APBB2: variants seen among roughly 807,000 people sequenced by gnomAD.
APBB2 encodes Fe65-like 1.
In APBB2, 38 loss-of-function variants were observed where a neutral mutation model predicts 82.5. That is an observed-to-expected ratio of 0.46 (90% CI 0.36 to 0.60). The LOEUF (loss-of-function observed/expected upper bound fraction) is 0.60. Ranked by LOEUF, APBB2 falls within the 20% of genes least tolerant of loss-of-function variation. The probability of loss-of-function intolerance (pLI) is 0.00; values close to 1 mark genes in which losing one functional copy is unlikely to be tolerated. For synonymous variants in APBB2, 341 were observed against 368.2 expected, an observed-to-expected ratio of 0.93 and a Z score of 0.85; for missense variants, 772 against 972.3, an observed-to-expected ratio of 0.79 and a Z score of 2.74.
intron 6 of APBB2, among the ~76,000 whole-genome samples, chr4:41,006,067 G>A (rs991661626): frequency 1.2e-4 from 19 of 152,262 alleles, no homozygotes; most frequent in African/African-American, 4.6e-4. Context: ...GAAGTACCTC[G>A]TATGATACCT....
Position 41,084,008 on chromosome 4 carries a change from T to C in APBB2, c.-149+16631A>G, listed in dbSNP as rs569588988. ...TTAAAATGTGAAAAGATCTGTGTCT[T>C]AGAATCAATAAAATATGTATTATAA... On this transcript the variant is annotated intron_variant, in intron 3 of 17. Transcript: ENST00000508593. 8.5e-5 allele frequency among the ~76,000 whole-genome samples: 13 copies of C among 152,326 alleles called. No homozygotes were observed. In the South Asian group the frequency reaches 2.7e-3, roughly 32 times the overall value.
intron 6 of APBB2, among the ~76,000 whole-genome samples, chr4:41,009,250 C>G (rs925874584): frequency 2.8e-4 from 39 of 137,600 alleles, no homozygotes; most frequent in African/African-American, 1.3e-3. Context: ...TAACTAGATT[C>G]AAAGTTCTCA....
At chr4:40,911,479 A>G (rs1172340537) in intron 10 of APBB2, among the ~76,000 whole-genome samples, 1 of 152,248 alleles carries the variant, frequency 6.6e-6, no homozygotes, top group African/African-American at 2.4e-5. Flanking sequence ...GCCTAGTGAT[A>G]TAAAAGTCAT....
chr4:41,064,663 T>C (rs1731066681), intron 4 of APBB2, among the ~76,000 whole-genome samples: 1 of 152,166 alleles, frequency 6.6e-6, no homozygotes, highest in South Asian at 2.1e-4. Flanking sequence ...TAACGACAAA[T>C]AGGAAAAGGC....
intron 6 of APBB2, among the ~76,000 whole-genome samples, chr4:40,967,902 C>T (rs1463861176): frequency 6.6e-6 from 1 of 152,198 alleles, no homozygotes; most frequent in East Asian, 1.9e-4. Flanking sequence ...AACAGCTACC[C>T]ATCAAGTGGA....
rs911526603 is a variant in APBB2 at position 40,813,660 on chromosome 4, A to C, written c.*2432T>G. 9.2e-5 allele frequency: 14 copies of C among 152,250 alleles called. No homozygotes were observed. The highest frequency in any genetic ancestry group is 2.1e-4 in the Non-Finnish European group (14 of 68,046). The allele number at this position is 152,250 out of a possible 1,614,324, so 9.4% of individuals were successfully genotyped here. ...AATGCATCCTATAATTGCACATATAAATCAGTTTGCTACTTAAAGCTAGCT... is the reference window on the plus strand; with the variant it reads ...AATGCATCCTATAATTGCACATATACATCAGTTTGCTACTTAAAGCTAGCT... On this transcript the variant is annotated 3_prime_UTR_variant, in exon 18 of 18. Transcript: ENST00000508593.
At chr4:41,062,161 T>TTTA (rs1730082990) in intron 4 of APBB2, among the ~76,000 whole-genome samples, 1 of 25,358 alleles carries the variant, frequency 3.9e-5, no homozygotes, top group Admixed American at 6.7e-4. Context: ...GCAAATCTTA[T>TTTA]TTATTTATTT....
chr4:41,053,079 T>C (rs992553596), intron 4 of APBB2, among the ~76,000 whole-genome samples: 4 of 152,196 alleles, frequency 2.6e-5, no homozygotes, highest in Middle Eastern at 3.2e-3. Context: ...AAATTTTTCA[T>C]TAAAGAAGAG....
chr4:41,129,640 A>T (rs1755410700), intron 2 of APBB2, among the ~76,000 whole-genome samples: 1 of 152,148 alleles, frequency 6.6e-6, no homozygotes, highest in Admixed American at 6.6e-5. Flanking sequence ...AGTGTCTGAC[A>T]TGTGGTATAT....
At chr4:41,181,542 C>T (rs1350317666) in intron 1 of APBB2, among the ~76,000 whole-genome samples, 2 of 152,162 alleles carry the variant, frequency 1.3e-5, no homozygotes, top group Non-Finnish European at 2.9e-5. Flanking sequence ...TATTTCTTCC[C>T]TTATGACTTC....
At chr4:41,120,494 G>C (rs1197297975) in intron 2 of APBB2, among the ~76,000 whole-genome samples, 1 of 152,106 alleles carries the variant, frequency 6.6e-6, no homozygotes, top group Non-Finnish European at 1.5e-5. Context: ...AAAACTTACG[G>C]GAAATTCAAG....
chr4:40,965,413 C>T (rs919113873), intron 6 of APBB2, among the ~76,000 whole-genome samples: 4 of 152,072 alleles, frequency 2.6e-5, no homozygotes, highest in African/African-American at 4.8e-5. Context: ...GGGCCCAAGG[C>T]TCTGAAAAGC....
chr4:40,858,206 A>G (rs1330952674), intron 12 of APBB2, among the ~76,000 whole-genome samples: 2 of 152,160 alleles, frequency 1.3e-5, no homozygotes, highest in South Asian at 2.1e-4. Flanking sequence ...GCTAGCCACT[A>G]GTCATATAAA....
intron 10 of APBB2, among the ~76,000 whole-genome samples, chr4:40,894,559 T>C (rs1773124497): frequency 1.3e-5 from 2 of 152,204 alleles, no homozygotes; most frequent in South Asian, 4.1e-4. Flanking sequence ...TATCCACTCA[T>C]GATAACAAAT....
chr4:40,983,624 C>G (rs1799674813), intron 6 of APBB2, among the ~76,000 whole-genome samples: 2 of 151,612 alleles, frequency 1.3e-5, no homozygotes, highest in South Asian at 2.1e-4. Flanking sequence ...GTTGCCCAGG[C>G]TGGAGTGCAA....
intron 1 of APBB2, among the ~76,000 whole-genome samples, chr4:41,211,803 T>C (rs528243063): frequency 6.6e-6 from 1 of 152,292 alleles, no homozygotes; most frequent in East Asian, 1.9e-4. Flanking sequence ...ATTTTTAAAA[T>C]GAAATTGAAA....
At chr4:41,050,583 A>G (rs1579573657) in intron 4 of APBB2, among the ~76,000 whole-genome samples, 1 of 152,340 alleles carries the variant, frequency 6.6e-6, no homozygotes, top group East Asian at 1.9e-4. Context: ...GCAAGTTGCC[A>G]ATGTTACCTT....
At chr4:41,045,552 A>G (rs1316982552) in intron 4 of APBB2, among the ~76,000 whole-genome samples, 2 of 152,126 alleles carry the variant, frequency 1.3e-5, no homozygotes, top group African/African-American at 4.8e-5. Context: ...TCAGCCTCCC[A>G]AAGTGCTGGG....
At chr4:40,849,157 T>C (rs930009983) in intron 12 of APBB2, among the ~76,000 whole-genome samples, 3 of 152,262 alleles carry the variant, frequency 2.0e-5, no homozygotes, top group African/African-American at 7.2e-5. Flanking sequence ...TCTCCTGCTA[T>C]TGCTCATCAC....
Sources: allele counts gnomAD v4.1 joint callset (sites outside exome capture counted in the v4.1 genomes callset), GRCh38; gene constraint gnomAD v4.1.1; transcripts MANE v1.5; gene names NCBI Gene and HGNC (gene_info 2026-07-23, HGNC 2026-07-21).